ROBO1: variants seen among roughly 807,000 people sequenced by gnomAD.
ROBO1 encodes the protein roundabout guidance receptor 1.
Under a neutral mutation model 195.9 loss-of-function variants are expected in ROBO1, and 149 were observed. That is an observed-to-expected ratio of 0.76 (90% confidence interval 0.67 to 0.87). The LOEUF is 0.87. Among genes scored for constraint, ROBO1 ranks in the 40% least tolerant of loss-of-function variants. The probability of loss-of-function intolerance (pLI) is 0.00; values close to 1 mark genes in which losing one functional copy is unlikely to be tolerated. For missense variants in ROBO1, 1,933 were observed against 2,068.3 expected (o/e 0.93, Z 1.27); for synonymous variants, 816 against 733.2 (o/e 1.11, Z -1.82).
intron 4 of ROBO1, among the ~76,000 whole-genome samples, chr3:78,922,343 A>C (rs1229250908): frequency 6.6e-6 from 1 of 152,120 alleles, no homozygotes; most frequent in Non-Finnish European, 1.5e-5. Flanking sequence ...ATCATGGTCT[A>C]CCCTTACCTA....
At chr3:78,647,731 C>T (rs1706391646) in intron 19 of ROBO1, 76 bp from the exon 20 acceptor site, 13 of 1,202,806 alleles carry the variant, frequency 1.1e-5, no homozygotes, top group Non-Finnish European at 1.6e-5. Context: ...TAGTATAAAT[C>T]AAGCAGACAG....
chr3:79,026,498 G>A (rs1042213730), intron 3 of ROBO1, among the ~76,000 whole-genome samples: 2 of 152,032 alleles, frequency 1.3e-5, no homozygotes, highest in African/African-American at 4.8e-5. Flanking sequence ...TCTATATGAA[G>A]TAAGAAGTTC....
At chr3:78,662,165 G>T (rs1473490186) in intron 14 of ROBO1, 51 bp from the exon 15 acceptor site, 4 of 1,522,060 alleles carry the variant, frequency 2.6e-6, no homozygotes, top group Non-Finnish European at 8.9e-7. Flanking sequence ...GTTACTGAAC[G>T]GAATGAAAGC....
At chr3:78,912,601 C>T (rs2038312667) in intron 4 of ROBO1, among the ~76,000 whole-genome samples, 1 of 152,066 alleles carries the variant, frequency 6.6e-6, no homozygotes, top group African/African-American at 2.4e-5. Flanking sequence ...TATTAAACTT[C>T]CTTCCTTGTT....
chr3:79,032,306 T>C (rs2078310502), intron 3 of ROBO1, among the ~76,000 whole-genome samples: 1 of 152,056 alleles, frequency 6.6e-6, no homozygotes, highest in South Asian at 2.1e-4. Flanking sequence ...ATTAGATTTT[T>C]ATCAAGATTT....
At chr3:79,000,671 TG>T (rs1240701917) in intron 3 of ROBO1, among the ~76,000 whole-genome samples, 1 of 152,124 alleles carries the variant, frequency 6.6e-6, no homozygotes, top group Non-Finnish European at 1.5e-5. Flanking sequence ...TTTACACTGT[TG>T]GGAGTGTAAA....
intron 4 of ROBO1, among the ~76,000 whole-genome samples, chr3:78,902,707 G>A (rs989387843): frequency 6.6e-5 from 10 of 152,046 alleles, no homozygotes; most frequent in African/African-American, 2.4e-4. Context: ...GATGGGTGTG[G>A]TGGCAGGCAC....
In ROBO1 at chr3:78,967,958, C is replaced by T. The variant is rs140033105; in HGVS notation, c.173-29031G>A. On this transcript the variant is annotated intron_variant, in intron 3 of 30. Transcript: ENST00000464233. Reference sequence around the variant, plus strand: ...CTTCCAAAGGTGAACACATCATAAACTTGCAAGTCATTTTGAGATTAGAAC... The same window carrying T: ...CTTCCAAAGGTGAACACATCATAAATTTGCAAGTCATTTTGAGATTAGAAC... 9.9e-5 allele frequency among the ~76,000 whole-genome samples: 15 copies of T among 152,272 alleles called. 1 individual carries two copies. Among genetic ancestry groups the T allele is most frequent in the South Asian group, 6.2e-4 (3 of 4,828 alleles).
At chr3:79,565,267 G>T (rs1019474124) in intron 2 of ROBO1, among the ~76,000 whole-genome samples, 4 of 151,414 alleles carry the variant, frequency 2.6e-5, no homozygotes, top group Non-Finnish European at 5.9e-5. Context: ...AGACAGAACT[G>T]TTTACATTTG....
At position 78,753,354 on chromosome 3, in the gene ROBO1, T is replaced by C. The variant is rs1263550148; in HGVS notation, c.500-6454A>G. ...ACCACATTCACATTTTGCAGAAATATGAACATCATAATGACACTTCCTGTA... is the reference window on the plus strand; with the variant it reads ...ACCACATTCACATTTTGCAGAAATACGAACATCATAATGACACTTCCTGTA... On this transcript the variant is annotated intron_variant, in intron 4 of 30. Coordinates refer to ENST00000464233, the MANE Select transcript of ROBO1 (RefSeq NM_002941.4). Among the ~76,000 whole-genome samples, 4 of 152,290 alleles carry C rather than the reference T, an allele frequency of 2.6e-5. No homozygotes were observed. The South Asian group carries it at 6.2e-4, about 24-fold the overall frequency.
chr3:78,639,429 G>T (rs1404673861), intron 22 of ROBO1, among the ~76,000 whole-genome samples: 1 of 152,172 alleles, frequency 6.6e-6, no homozygotes, highest in Non-Finnish European at 1.5e-5. Context: ...GCATCAGAGT[G>T]AGATTCTGTC....
chr3:79,215,771 T>C (rs891086235), intron 2 of ROBO1, among the ~76,000 whole-genome samples: 1 of 152,196 alleles, frequency 6.6e-6, no homozygotes, highest in South Asian at 2.1e-4. Flanking sequence ...TACAATATTT[T>C]CCCCCTTAAA....
intron 24 of ROBO1, 138 bp downstream of exon 24, chr3:78,633,797 A>G: frequency 2.0e-6 from 1 of 488,324 alleles, no homozygotes. Flanking sequence ...TGCAGAGACA[A>G]GACACATGCC....
intron 2 of ROBO1, among the ~76,000 whole-genome samples, chr3:79,214,731 G>T: frequency 6.9e-6 from 1 of 144,286 alleles, no homozygotes; most frequent in African/African-American, 2.5e-5. Flanking sequence ...ATATATATTT[G>T]CTATATATAT....
chr3:79,597,474 A>G (rs1944212762), intron 1 of ROBO1, among the ~76,000 whole-genome samples: 1 of 152,088 alleles, frequency 6.6e-6, no homozygotes, highest in African/African-American at 2.4e-5. Flanking sequence ...ACAGTTTTAA[A>G]TCTGAATTAA....
chr3:79,145,372 T>C lies in ROBO1; in HGVS notation c.89-19833A>G, dbSNP rs12330565. 7.6e-3 allele frequency among the ~76,000 whole-genome samples: 556 copies of C among 72,946 alleles called. 1 individual carries two copies. The highest frequency in any genetic ancestry group is 0.035 in the African/African-American group (533 of 15,144). The allele number at this position is 72,946 out of a possible 152,430, so 47.9% of individuals were successfully genotyped here. ...CTGATGCCAGAAATACACACACACA[T>C]ACACACACACACACACACACACACA... is the stretch of plus-strand genomic sequence containing the variant. On this transcript the variant is annotated intron_variant, in intron 2 of 30. Coordinates refer to ENST00000464233, the MANE Select transcript of ROBO1 (RefSeq NM_002941.4).
intron 4 of ROBO1, among the ~76,000 whole-genome samples, chr3:78,888,285 C>G (rs2036679717): frequency 6.6e-6 from 1 of 152,134 alleles, no homozygotes; most frequent in Admixed American, 6.6e-5. Context: ...AAAAGGAGTT[C>G]TAATGTAAAC....
chr3:79,120,092 T>C (rs1432381763), intron 3 of ROBO1, among the ~76,000 whole-genome samples: 1 of 152,020 alleles, frequency 6.6e-6, no homozygotes, highest in Non-Finnish European at 1.5e-5. Flanking sequence ...GTTTTGATCT[T>C]AAAAGATAGT....
intron 2 of ROBO1, among the ~76,000 whole-genome samples, chr3:79,545,752 T>C (rs1029280323): frequency 6.6e-6 from 1 of 152,206 alleles, no homozygotes; most frequent in African/African-American, 2.4e-5. Flanking sequence ...GATATTAAAA[T>C]GTGGAGTATC....
Sources: gnomAD v4.1 joint callset for allele counts (sites outside exome capture counted in the v4.1 genomes callset) on GRCh38, gnomAD v4.1.1 for gene constraint, MANE v1.5 for transcripts, NCBI Gene and HGNC (gene_info 2026-07-23, HGNC 2026-07-21) for gene names.